Variants in HELZ observed in about 807,000 individuals in gnomAD.
HELZ encodes helicase with zinc finger, also known as ATP-dependent RNA helicase with zinc finger domain.
Under a neutral mutation model 218.2 loss-of-function variants are expected in HELZ, and 23 were observed. The ratio of observed to expected loss-of-function variants is 0.11; its 90% CI spans 0.08 to 0.15. The LOEUF (loss-of-function observed/expected upper bound fraction) is 0.15, where lower values mean the gene tolerates loss of function less well. HELZ is among the 10% of genes least tolerant of loss of function. HELZ has a pLI of 1.00. For synonymous variants in HELZ, 814 were observed against 829.4 expected (o/e 0.98, Z 0.32); for missense variants, 1,813 against 2,353.7 (o/e 0.77, Z 4.75).
At chr17:67,110,335 C>T (rs2037243413) in intron 28 of HELZ, among the ~76,000 whole-genome samples, 1 of 152,110 alleles carries the variant, frequency 6.6e-6, no homozygotes, top group African/African-American at 2.4e-5. Flanking sequence ...TCCCAAAGTG[C>T]TAGGATTACA....
chr17:67,244,606 A>C lies in HELZ; in HGVS notation c.-132+542T>G, dbSNP rs531746552. 1.1e-3 allele frequency: 820 copies of C among 743,388 alleles called. 8 individuals carry two copies. The African/African-American group carries it at 0.015, about 14-fold the overall frequency. The allele number at this position is 743,388 out of a possible 1,614,324, so 46.0% of individuals were successfully genotyped here. A position where few individuals can be genotyped will look rare whatever the true frequency, so the allele number is the denominator to read the frequency against. ...GCGGGGAAAGGGGGGAAGAAAGTGA[A>C]TCTCGGGCCGAGAGCCCTCCGCGGG... On this transcript the variant is annotated intron_variant, in intron 1 of 32. Transcript: ENST00000358691.
intron 27 of HELZ, among the ~76,000 whole-genome samples, chr17:67,115,327 T>A (rs532810442): frequency 6.6e-6 from 1 of 152,096 alleles, no homozygotes; most frequent in South Asian, 2.1e-4. Flanking sequence ...ACTTTAAGCA[T>A]CCTAATATAT....
upstream of HELZ, chr17:67,245,282 G>A (rs28362579): frequency 2.6e-4 from 237 of 914,942 alleles, no homozygotes; most frequent in East Asian, 0.012. Context: ...CGCCCCCTCC[G>A]GCCGCGCCTC....
At chr17:67,226,289 A>G (rs1164797359) in intron 3 of HELZ, among the ~76,000 whole-genome samples, 1 of 151,646 alleles carries the variant, frequency 6.6e-6, no homozygotes, top group Non-Finnish European at 1.5e-5. Context: ...GGAAAAAAAA[A>G]AAGAACTCCC....
chr17:67,136,402 T>C (rs771221851), intron 22 of HELZ, among the ~76,000 whole-genome samples: 5 of 152,166 alleles, frequency 3.3e-5, no homozygotes, highest in Non-Finnish European at 7.3e-5. Flanking sequence ...TCTTCAAAAA[T>C]TTAGGCAGAG....
At chr17:67,080,350 T>C (rs545909005) in intron 32 of HELZ, among the ~76,000 whole-genome samples, 14 of 152,222 alleles carry the variant, frequency 9.2e-5, no homozygotes, top group Non-Finnish European at 1.8e-4. Flanking sequence ...TATTAAGTTT[T>C]TTGTGGCCCT....
At chr17:67,133,009 A>AT (rs1255548087) in intron 23 of HELZ, among the ~76,000 whole-genome samples, 1 of 152,210 alleles carries the variant, frequency 6.6e-6, no homozygotes, top group Non-Finnish European at 1.5e-5. Context: ...TGTGAGAGTA[A>AT]ATTAATATCT....
chr17:67,098,314 G>T (rs1013395515), intron 31 of HELZ, among the ~76,000 whole-genome samples: 3 of 152,162 alleles, frequency 2.0e-5, no homozygotes, highest in Admixed American at 6.5e-5. Flanking sequence ...TTGTGCCTCG[G>T]TTTCCTTTTA....
At chr17:67,096,228 T>A (rs968341688) in intron 31 of HELZ, among the ~76,000 whole-genome samples, 9 of 146,022 alleles carry the variant, frequency 6.2e-5, no homozygotes, top group African/African-American at 2.3e-4. Context: ...TATGCTGTCA[T>A]CCAGGCTTTA....
intron 12 of HELZ, among the ~76,000 whole-genome samples, chr17:67,185,098 T>C (rs1016630411): frequency 6.6e-6 from 1 of 152,172 alleles, no homozygotes; most frequent in Non-Finnish European, 1.5e-5. Context: ...AGCCAGGCTG[T>C]CAGATTGTCA....
At chr17:67,126,817 G>A (rs2143868452) in intron 24 of HELZ, among the ~76,000 whole-genome samples, 1 of 142,994 alleles carries the variant, frequency 7.0e-6, no homozygotes, top group South Asian at 2.2e-4. Context: ...AAGTCAGATT[G>A]CACCACTGCA....
intron 4 of HELZ, among the ~76,000 whole-genome samples, chr17:67,216,325 A>G (rs1443627013): frequency 1.3e-5 from 2 of 152,004 alleles, no homozygotes; most frequent in Non-Finnish European, 2.9e-5. Flanking sequence ...ACATACTACC[A>G]TGCTCCTTTC....
intron 8 of HELZ, 26 bp from the exon 9 acceptor site, chr17:67,194,068 T>G (rs762648119): frequency 3.3e-5 from 51 of 1,532,408 alleles, no homozygotes; most frequent in Non-Finnish European, 4.4e-5. Flanking sequence ...GATATAGTCT[T>G]ATCATTTGAG....
intron 15 of HELZ, 65 bp downstream of exon 15, chr17:67,166,413 T>C (rs2039145400): frequency 1.4e-6 from 2 of 1,382,300 alleles, no homozygotes; most frequent in Non-Finnish European, 2.0e-6. Flanking sequence ...GCTTGAGTTA[T>C]TTGATACAGA....
intron 17 of HELZ, among the ~76,000 whole-genome samples, chr17:67,155,843 GAA>G (rs984939821): frequency 2.1e-5 from 2 of 96,612 alleles, no homozygotes; most frequent in Admixed American, 1.0e-4. Flanking sequence ...TCTTAAAAAA[GAA>G]AAAAAAAAAA....
chr17:67,236,773 A>G (rs185101522), intron 3 of HELZ, among the ~76,000 whole-genome samples: 5 of 152,316 alleles, frequency 3.3e-5, no homozygotes, highest in African/African-American at 1.2e-4. Flanking sequence ...TTTATTATCA[A>G]TTTATTCAAC....
intron 5 of HELZ, among the ~76,000 whole-genome samples, chr17:67,208,943 AAAAAAAGAAAAG>A (rs1427368714): frequency 2.0e-4 from 30 of 150,940 alleles, no homozygotes; most frequent in Admixed American, 1.3e-3. Flanking sequence ...TCTGTCTCAA[AAAAAAAGAAAAG>A]AAAAAAGAAA....
intron 5 of HELZ, among the ~76,000 whole-genome samples, chr17:67,215,108 C>T (rs1261253129): frequency 1.3e-5 from 2 of 151,958 alleles, no homozygotes; most frequent in East Asian, 1.9e-4. Flanking sequence ...CACCCCACCC[C>T]ACTCCAGCCC....
chr17:67,134,333 C>T (rs1052352740), intron 23 of HELZ, among the ~76,000 whole-genome samples: 4 of 151,238 alleles, frequency 2.6e-5, no homozygotes, highest in African/African-American at 4.9e-5. Context: ...TGCGGTGAGC[C>T]GAGACTGCAC....
Sources: allele counts gnomAD v4.1 joint callset (sites outside exome capture counted in the v4.1 genomes callset), GRCh38; gene constraint gnomAD v4.1.1; transcripts MANE v1.5; gene names NCBI Gene and HGNC (gene_info 2026-07-23, HGNC 2026-07-21).